The following CAMTA1 variants were observed in gnomAD, a reference collection of about 807,000 sequenced individuals.
CAMTA1 encodes the protein calmodulin-binding transcription activator 1.
Under a neutral mutation model 170.9 loss-of-function variants are expected in CAMTA1, and 27 were observed. The ratio of observed to expected loss-of-function variants is 0.16; its 90% confidence interval spans 0.12 to 0.22. The LOEUF is 0.22. Among genes scored for constraint, CAMTA1 ranks in the 10% least tolerant of loss-of-function variants. The probability of loss-of-function intolerance (pLI) is 1.00; values close to 1 mark genes in which losing one functional copy is unlikely to be tolerated. For missense variants in CAMTA1, 1,619 were observed against 2,217.2 expected (o/e 0.73, Z 5.42); for synonymous variants, 833 against 891.5 (o/e 0.93, Z 1.17).
chr1:7,690,229 T>C (rs1218102594), intron 11 of CAMTA1, among the ~76,000 whole-genome samples: 5 of 152,224 alleles, frequency 3.3e-5, no homozygotes, highest in African/African-American at 1.2e-4. Context: ...GTGGTTTCTT[T>C]GGCGAGGTCA....
chr1:7,354,741 T>C (rs924574374), intron 5 of CAMTA1, among the ~76,000 whole-genome samples: 18 of 152,362 alleles, frequency 1.2e-4, no homozygotes, highest in Non-Finnish European at 2.4e-4. Context: ...ATGTTTTGAC[T>C]TTTTAATAAT....
intron 22 of CAMTA1, among the ~76,000 whole-genome samples, chr1:7,758,821 G>C (rs2096952180): frequency 6.6e-6 from 1 of 151,346 alleles, no homozygotes; most frequent in African/African-American, 2.4e-5. Flanking sequence ...TGTAGTCCCA[G>C]CTACTCGGGA....
chr1:7,047,727 T>C (rs1705632402), intron 3 of CAMTA1, among the ~76,000 whole-genome samples: 2 of 151,638 alleles, frequency 1.3e-5, no homozygotes, highest in African/African-American at 2.4e-5. Context: ...CTCTCTTTTT[T>C]TTTTTTTTTT....
intron 5 of CAMTA1, among the ~76,000 whole-genome samples, chr1:7,416,572 T>A (rs12081475): frequency 0.34 from 51,851 of 152,110 alleles, 9,390 homozygotes; most frequent in Middle Eastern, 0.61. Flanking sequence ...GGCTTTTGCA[T>A]TCTTCACGTA....
chr1:7,045,255 G>C (rs4074963), intron 3 of CAMTA1, among the ~76,000 whole-genome samples: 65,669 of 151,960 alleles, frequency 0.43, 14,304 homozygotes, highest in South Asian at 0.48. Flanking sequence ...GAACCCAAAA[G>C]CTTGCTCCTT....
At chr1:7,717,275 CA>C (rs1243443533) in intron 11 of CAMTA1, among the ~76,000 whole-genome samples, 1 of 152,066 alleles carries the variant, frequency 6.6e-6, no homozygotes, top group Non-Finnish European at 1.5e-5. Context: ...GCCCTCACCA[CA>C]AAAATGATAG....
intron 5 of CAMTA1, among the ~76,000 whole-genome samples, chr1:7,395,239 G>T (rs2089195416): frequency 6.6e-6 from 1 of 152,064 alleles, no homozygotes; most frequent in African/African-American, 2.4e-5. Context: ...AATCCATTTT[G>T]TTTTTTTGTA....
chr1:6,794,892 T>TG (rs1642088385), intron 1 of CAMTA1, among the ~76,000 whole-genome samples: 1 of 149,034 alleles, frequency 6.7e-6, no homozygotes, highest in South Asian at 2.1e-4. Flanking sequence ...TTTTTTTTGT[T>TG]TTTTTTGTTT....
rs189066344 is a variant in CAMTA1, at chr1:7,002,371, T to C, written c.235-88933T>C. On this transcript the variant is annotated intron_variant, in intron 3 of 22. Coordinates refer to ENST00000303635, the MANE Select transcript of CAMTA1 (RefSeq NM_015215.4). ...ATGGTGATCACATAAAACAGCGCAG[T>C]GGGAAAGTGCTTTGAAAGCCATGAA... 3.1e-3 allele frequency among the ~76,000 whole-genome samples: 471 copies of C among 152,158 alleles called. 4 individuals carry two copies. The highest frequency in any genetic ancestry group is 0.011 in the African/African-American group (449 of 41,504).
chr1:7,636,517 G>T (rs1174829456), intron 6 of CAMTA1, among the ~76,000 whole-genome samples: 1 of 152,198 alleles, frequency 6.6e-6, no homozygotes, highest in African/African-American at 2.4e-5. Context: ...AGGAGTTCAA[G>T]ACCAGCCTGG....
intron 3 of CAMTA1, among the ~76,000 whole-genome samples, chr1:6,850,869 A>G (rs1335718364): frequency 6.6e-6 from 1 of 152,224 alleles, no homozygotes; most frequent in Non-Finnish European, 1.5e-5. Flanking sequence ...TAGGAGACCC[A>G]AAAGCCTATA....
At chr1:7,626,133 A>G (rs2095631942) in intron 6 of CAMTA1, among the ~76,000 whole-genome samples, 1 of 152,182 alleles carries the variant, frequency 6.6e-6, no homozygotes, top group Non-Finnish European at 1.5e-5. Flanking sequence ...GGAACTGGGG[A>G]ACACATTAAA....
intron 6 of CAMTA1, among the ~76,000 whole-genome samples, chr1:7,528,149 T>G (rs2094450746): frequency 6.6e-6 from 1 of 152,178 alleles, no homozygotes; most frequent in Non-Finnish European, 1.5e-5. Flanking sequence ...CTCTTTAGAT[T>G]GACGAGAGCA....
At position 6,785,471 on chromosome 1, in the gene CAMTA1, G is replaced by T; in HGVS notation, c.-60G>T. 3 of 999,562 alleles carry T rather than the reference G, an allele frequency of 3.0e-6. No individual in the cohort carries two copies. The highest frequency in any genetic ancestry group is 3.6e-6 in the Non-Finnish European group (3 of 830,552). The allele number at this position is 999,562 out of a possible 1,614,324, so 61.9% of individuals were successfully genotyped here. On this transcript the variant is annotated 5_prime_UTR_variant, in exon 1 of 23. Transcript: ENST00000303635. ...TGCGCGGCGGCGGCGGGGTGGCTGG[G>T]CCGGCGGCGGCGGCGGTACGAGGCG...
Position 7,663,829 on chromosome 1 carries a change from T to C in CAMTA1, c.1282T>C (p.Ser428Pro), listed in dbSNP as rs1273400685. ...PNHHLLSPDASQGLVLAVSSD... is the reference protein window; with the variant it reads ...PNHHLLSPDAPQGLVLAVSSD... Reference sequence around the variant, plus strand: ...CCACCACCTCCTCTCACCTGACGCCTCTCAGGGCCTCGTCCTGGCCGTGAG... The same window carrying C: ...CCACCACCTCCTCTCACCTGACGCCCCTCAGGGCCTCGTCCTGGCCGTGAG... The change falls in exon 9 of 23, where the codon TCT becomes CCT. Residue 428 changes from serine to proline, a missense_variant. By Grantham distance (74) the Ser-to-Pro change is moderately conservative. Transcript: ENST00000303635. 6.2e-7 allele frequency: 1 copy of C among 1,613,954 alleles called. No homozygotes were observed. The highest frequency in any genetic ancestry group is 8.5e-7 in the Non-Finnish European group (1 of 1,180,038).
At chr1:7,536,882 A>G (rs765342729) in intron 6 of CAMTA1, among the ~76,000 whole-genome samples, 1 of 152,120 alleles carries the variant, frequency 6.6e-6, no homozygotes, top group Non-Finnish European at 1.5e-5. Flanking sequence ...CACTGACCCC[A>G]GGCATCAACT....
chr1:7,336,764 G>A (rs1389106986), intron 5 of CAMTA1, among the ~76,000 whole-genome samples: 1 of 152,168 alleles, frequency 6.6e-6, no homozygotes. Flanking sequence ...GTGGGCAGGG[G>A]GCTGGGAACC....
At chr1:7,423,874 C>A (rs1490684528) in intron 5 of CAMTA1, among the ~76,000 whole-genome samples, 1 of 152,048 alleles carries the variant, frequency 6.6e-6, no homozygotes, top group Admixed American at 6.6e-5. Context: ...AGGTACGGGG[C>A]GAGAGGACAG....
intron 18 of CAMTA1, among the ~76,000 whole-genome samples, chr1:7,746,701 A>G (rs113537733): frequency 0.023 from 3,524 of 152,252 alleles, 144 homozygotes; most frequent in African/African-American, 0.08. Flanking sequence ...GCAGTGGTGC[A>G]ATCTCTGCTC....
Sources: allele counts gnomAD v4.1 joint callset (sites outside exome capture counted in the v4.1 genomes callset), GRCh38; gene constraint gnomAD v4.1.1; transcripts MANE v1.5; gene names NCBI Gene and HGNC (gene_info 2026-07-23, HGNC 2026-07-21).